Variants in SOX5 observed in about 807,000 individuals in gnomAD.
SOX5 encodes transcription factor SOX-5.
A neutral mutation model predicts 92.0 loss-of-function variants in SOX5; 9 were observed. The ratio of observed to expected loss-of-function variants is 0.10; its 90% CI spans 0.06 to 0.17. The LOEUF (loss-of-function observed/expected upper bound fraction) is 0.17, where lower values mean the gene tolerates loss of function less well. Among genes scored for constraint, SOX5 ranks in the 10% least tolerant of loss-of-function variants. The pLI, the probability that SOX5 is intolerant of heterozygous loss-of-function variation, is 1.00. For synonymous variants in SOX5, 344 were observed against 336.3 expected, an observed-to-expected ratio of 1.02 and a Z score of -0.25; for missense variants, 642 against 944.5, an observed-to-expected ratio of 0.68 and a Z score of 4.20.
At chr12:24,311,189 G>A (rs1358798524) in intron 2 of SOX5, among the ~76,000 whole-genome samples, 3 of 152,132 alleles carry the variant, frequency 2.0e-5, no homozygotes, top group African/African-American at 7.2e-5. Context: ...TGAACAAACA[G>A]GACTTGCTGT....
At chr12:24,307,002 G>C (rs1948641443) in intron 2 of SOX5, among the ~76,000 whole-genome samples, 2 of 152,214 alleles carry the variant, frequency 1.3e-5, no homozygotes, top group African/African-American at 2.4e-5. Flanking sequence ...TGGTGGCTGA[G>C]CAGGAAGATC....
chr12:23,743,904 A>T (rs1056794069), intron 4 of SOX5, among the ~76,000 whole-genome samples: 2 of 152,244 alleles, frequency 1.3e-5, no homozygotes, highest in African/African-American at 2.4e-5. Flanking sequence ...AGAATTAACA[A>T]ATATCATTTT....
At chr12:24,096,196 C>T (rs1399430223) in intron 4 of SOX5, among the ~76,000 whole-genome samples, 1 of 152,062 alleles carries the variant, frequency 6.6e-6, no homozygotes, top group Non-Finnish European at 1.5e-5. Context: ...TATACATGTA[C>T]CGTGGTGGTT....
chr12:23,802,858 C>T (rs943187459), intron 3 of SOX5, among the ~76,000 whole-genome samples: 2 of 152,170 alleles, frequency 1.3e-5, no homozygotes, highest in African/African-American at 4.8e-5. Flanking sequence ...CGTAGTCTTG[C>T]AGTCTGGCTT....
At position 23,804,113 on chromosome 12, in the gene SOX5, G is replaced by A. The variant is rs576326146; in HGVS notation, c.481+41870C>T. Among the ~76,000 whole-genome samples the A allele has an allele frequency of 4.9e-4, 75 of 152,106 alleles. No homozygotes were observed. The Middle Eastern group carries it at 0.01, about 21-fold the overall frequency. On this transcript the variant is annotated intron_variant, in intron 3 of 14. Coordinates refer to ENST00000451604, the MANE Select transcript of SOX5 (RefSeq NM_006940.6). ...AAATATTAGGCAATGATCATATTTG[G>A]AAGTCAAGCTATCTAGTAAATAAAC...
intron 4 of SOX5, among the ~76,000 whole-genome samples, chr12:23,972,470 G>A (rs538252629): frequency 6.6e-6 from 1 of 152,008 alleles, no homozygotes; most frequent in Non-Finnish European, 1.5e-5. Context: ...TGATTCTCCT[G>A]CCCCAGTCTC....
chr12:23,551,371 G>A (rs544913905), intron 11 of SOX5, among the ~76,000 whole-genome samples: 3 of 151,758 alleles, frequency 2.0e-5, no homozygotes, highest in Non-Finnish European at 4.4e-5. Context: ...TTAACCTCTC[G>A]TTTCACTCTT....
At chr12:24,527,176 G>T (rs1169910372) in intron 1 of SOX5, among the ~76,000 whole-genome samples, 3 of 152,154 alleles carry the variant, frequency 2.0e-5, no homozygotes, top group Admixed American at 6.5e-5. Context: ...GTTTACTGCT[G>T]CATCCCCAAT....
intron 4 of SOX5, among the ~76,000 whole-genome samples, chr12:24,093,522 C>CAAAAAAA (rs747562605): frequency 8.4e-6 from 1 of 118,902 alleles, no homozygotes; most frequent in Non-Finnish European, 1.8e-5. Flanking sequence ...GACTCCGTCT[C>CAAAAAAA]AAAAAAAAAA....
chr12:23,597,491 G>A (rs542631912), intron 9 of SOX5, among the ~76,000 whole-genome samples: 6 of 152,298 alleles, frequency 3.9e-5, no homozygotes, highest in African/African-American at 1.2e-4. Context: ...GAGAGGAGGA[G>A]GCTCATCACA....
intron 3 of SOX5, among the ~76,000 whole-genome samples, chr12:24,253,496 T>C (rs974291320): frequency 2.0e-5 from 3 of 152,124 alleles, no homozygotes; most frequent in African/African-American, 7.2e-5. Flanking sequence ...TATTTTTCAG[T>C]GTCTTTAAAG....
chr12:24,254,322 A>G (rs529553217), intron 3 of SOX5, among the ~76,000 whole-genome samples: 8 of 151,838 alleles, frequency 5.3e-5, no homozygotes, highest in Admixed American at 2.0e-4. Context: ...ATTGCAATCC[A>G]TTAGCACAGA....
intron 3 of SOX5, among the ~76,000 whole-genome samples, chr12:23,807,642 A>ATTTTT (rs34889293): frequency 7.0e-6 from 1 of 142,110 alleles, no homozygotes; most frequent in Non-Finnish European, 1.5e-5. Context: ...CAGAAATTCC[A>ATTTTT]TTTTTTTTTT....
At chr12:23,718,793 C>A (rs1204329224) in intron 6 of SOX5, among the ~76,000 whole-genome samples, 2 of 152,102 alleles carry the variant, frequency 1.3e-5, no homozygotes, top group African/African-American at 4.8e-5. Flanking sequence ...AGACTGAAAA[C>A]AAATGGCTGC....
intron 3 of SOX5, among the ~76,000 whole-genome samples, chr12:24,261,416 T>C (rs913311154): frequency 1.1e-4 from 17 of 152,180 alleles, no homozygotes; most frequent in African/African-American, 3.9e-4. Context: ...GTTAAAAGCA[T>C]TTACACAGTT....
intron 7 of SOX5, among the ~76,000 whole-genome samples, chr12:23,651,757 T>C (rs1328261468): frequency 6.6e-6 from 1 of 151,690 alleles, no homozygotes; most frequent in Non-Finnish European, 1.5e-5. Context: ...GCCTATGAGC[T>C]GAAATGCCTG....
At chr12:24,138,117 T>G (rs1950265935) in intron 4 of SOX5, among the ~76,000 whole-genome samples, 1 of 152,362 alleles carries the variant, frequency 6.6e-6, no homozygotes, top group South Asian at 2.1e-4. Context: ...CTGCTTTGTA[T>G]TTCATTCTTA....
intron 8 of SOX5, among the ~76,000 whole-genome samples, chr12:23,621,212 C>T (rs1048515975): frequency 2.6e-5 from 4 of 151,784 alleles, no homozygotes; most frequent in Admixed American, 6.6e-5. Flanking sequence ...TGACATAAAC[C>T]AGACACAAAA....
chr12:24,442,862 A>T (rs938793488), intron 1 of SOX5, among the ~76,000 whole-genome samples: 2 of 152,160 alleles, frequency 1.3e-5, no homozygotes, highest in African/African-American at 4.8e-5. Context: ...CCACAGGGGA[A>T]TTCTAGATGA....
Sources: allele counts gnomAD v4.1 joint callset (sites outside exome capture counted in the v4.1 genomes callset), GRCh38; gene constraint gnomAD v4.1.1; transcripts MANE v1.5; gene names NCBI Gene and HGNC (gene_info 2026-07-23, HGNC 2026-07-21).